PWP1: variants seen among roughly 807,000 people sequenced by gnomAD.
The protein encoded by PWP1 is periodic tryptophan protein 1 homolog.
Under a neutral mutation model 69.9 loss-of-function variants are expected in PWP1, and 47 were observed. The observed-to-expected ratio is 0.67, with a 90% confidence interval of 0.53 to 0.86. PWP1 has a LOEUF of 0.86. Among genes scored for constraint, PWP1 ranks in the 40% least tolerant of loss-of-function variants. PWP1 has a pLI of 0.00. For missense variants in PWP1, 551 were observed against 608.8 expected (o/e 0.91, Z 1.00); for synonymous variants, 222 against 208.2 (o/e 1.07, Z -0.57).
At chr12:107,688,558 G>A (rs1306615518) in intron 2 of PWP1, 52 bp downstream of exon 2, 1 of 1,610,400 alleles carries the variant, frequency 6.2e-7, no homozygotes, top group Non-Finnish European at 8.5e-7. Context: ...TGACCATGTG[G>A]TCTTGTTATT....
At position 107,688,796 on chromosome 12, in the gene PWP1, G is replaced by T; in HGVS notation, c.313G>T (p.Asp105Tyr). 6.2e-7 allele frequency: 1 copy of T among 1,613,364 alleles called. No individual in the cohort carries two copies. The highest frequency in any genetic ancestry group is 1.1e-5 in the South Asian group (1 of 90,924). The change falls in exon 3 of 15, where the codon GAC becomes TAC. Residue 105 changes from aspartate to tyrosine, a missense_variant. Transcript: ENST00000412830. Reference sequence around the variant, plus strand: ...CTTAGATAAATATGATGAGGAAGGTGACCCAGGTTAGTTTATCCACTTCTG... The same window carrying T: ...CTTAGATAAATATGATGAGGAAGGTTACCCAGGTTAGTTTATCCACTTCTG... ...YDLDKYDEEG[D>Y]PDAETLGESL...
rs1200332643 is a variant in PWP1 at position 107,686,066 on chromosome 12, T to C, written c.72+95T>C. 5 of 1,389,342 alleles carry C rather than the reference T, an allele frequency of 3.6e-6. No individual in the cohort carries two copies. In the African/African-American group the frequency reaches 7.1e-5, roughly 20 times the overall value. 86.1% of individuals were successfully genotyped at this position (1,389,342 alleles called of 1,614,324 possible). On this transcript the variant is annotated intron_variant, in intron 1 of 14. Coordinates refer to ENST00000412830, the MANE Select transcript of PWP1 (RefSeq NM_007062.3). ...GAACGTGGACCCGGAACTCGGGGCG[T>C]TGGCTGGTGCGACTGGCTGGGGTGA...
At chr12:107,710,035 A>C (rs1040140772) in intron 13 of PWP1, among the ~76,000 whole-genome samples, 1 of 152,230 alleles carries the variant, frequency 6.6e-6, no homozygotes, top group Non-Finnish European at 1.5e-5. Flanking sequence ...AAAGTTTAAA[A>C]ATGATTTAAA....
At chr12:107,692,950 C>A in intron 4 of PWP1, 50 bp from the exon 5 acceptor site, 1 of 1,611,856 alleles carries the variant, frequency 6.2e-7, no homozygotes, top group East Asian at 2.2e-5. Context: ...TTCAAAAAAC[C>A]TTACTGGCTC....
intron 11 of PWP1, among the ~76,000 whole-genome samples, chr12:107,708,338 TTGTACTGGCTGTTGCCCTTGGCCTGTA>T (rs1260401316): frequency 6.6e-6 from 1 of 152,218 alleles, no homozygotes; most frequent in Non-Finnish European, 1.5e-5. Flanking sequence ...TCCTTTTTTC[TTGTACTGGCTGTTGCCCTTGGCCTGTA>T]TACAGGCTCA....
Position 107,708,127 on chromosome 12 carries a change from C to T in PWP1, c.1078-799C>T, listed in dbSNP as rs146383833. 2.4e-3 allele frequency among the ~76,000 whole-genome samples: 369 copies of T among 152,218 alleles called. 2 individuals carry two copies. The highest frequency in any genetic ancestry group is 8.5e-3 in the African/African-American group (351 of 41,526). On this transcript the variant is annotated intron_variant, in intron 11 of 14. Transcript: ENST00000412830. ...TGTACTTGAATGTTGTGTTGTACTTCGGCTCTCACTCTTCAGGTACGCAAC... is the reference window on the plus strand; with the variant it reads ...TGTACTTGAATGTTGTGTTGTACTTTGGCTCTCACTCTTCAGGTACGCAAC...
intron 5 of PWP1, among the ~76,000 whole-genome samples, chr12:107,694,796 T>C (rs1053320522): frequency 2.0e-5 from 3 of 152,226 alleles, no homozygotes; most frequent in Non-Finnish European, 4.4e-5. Flanking sequence ...AAAGCTGTTA[T>C]ATTTCCATTT....
intron 5 of PWP1, 97 bp from the exon 6 acceptor site, chr12:107,696,377 G>T: frequency 6.7e-7 from 1 of 1,489,534 alleles, no homozygotes; most frequent in South Asian, 1.3e-5. Context: ...AAAGCACATG[G>T]CTCACGTACA....
chr12:107,698,731 T>C (rs1889643430), intron 7 of PWP1, among the ~76,000 whole-genome samples: 1 of 152,194 alleles, frequency 6.6e-6, no homozygotes, highest in African/African-American at 2.4e-5. Context: ...TAGCTGGGAC[T>C]ATAGGCGTAT....
At chr12:107,686,076 C>A in intron 1 of PWP1, 105 bp downstream of exon 1, 1 of 1,275,992 alleles carries the variant, frequency 7.8e-7, no homozygotes, top group Non-Finnish European at 1.1e-6. Context: ...TTGGCTGGTG[C>A]GACTGGCTGG....
intron 9 of PWP1, among the ~76,000 whole-genome samples, 182 bp downstream of exon 9, chr12:107,703,213 G>T (rs1191589588): frequency 6.6e-6 from 1 of 152,138 alleles, no homozygotes; most frequent in African/African-American, 2.4e-5. Flanking sequence ...GCCCATCTTA[G>T]AGATGAAAAA....
chr12:107,692,385 T>C (rs1185666822), intron 3 of PWP1, among the ~76,000 whole-genome samples: 1 of 152,242 alleles, frequency 6.6e-6, no homozygotes, highest in African/African-American at 2.4e-5. Flanking sequence ...TTGAAACCTG[T>C]CATTTCTCAA....
At chr12:107,700,904 C>CT (rs1378841592) in intron 8 of PWP1, among the ~76,000 whole-genome samples, 2 of 151,926 alleles carry the variant, frequency 1.3e-5, no homozygotes, top group African/African-American at 4.8e-5. Context: ...ATTTCCCCCC[C>CT]TTTTTTTAAG....
rs1889972613 is a variant in PWP1 at position 107,712,347 on chromosome 12, T to G, written c.*127T>G. ...CAATTCATTTCTGACTGACATTCCT[T>G]TCTGCAACTGCGGTGGCACCACAAA... On this transcript the variant is annotated 3_prime_UTR_variant, in exon 15 of 15. Transcript: ENST00000412830. 1 of 659,680 alleles carries G rather than the reference T, an allele frequency of 1.5e-6. No individual in the cohort carries two copies. 40.9% of individuals were successfully genotyped at this position (659,680 alleles called of 1,614,324 possible).
At chr12:107,706,020 G>A (rs1566082427) in intron 11 of PWP1, among the ~76,000 whole-genome samples, 1 of 152,214 alleles carries the variant, frequency 6.6e-6, no homozygotes, top group Non-Finnish European at 1.5e-5. Flanking sequence ...CACCAACAGT[G>A]TAAAACTGTT....
In PWP1 at chr12:107,697,458, C is replaced by T. The variant is rs1889611986; in HGVS notation, c.614-9C>T. On this transcript the variant is annotated splice_polypyrimidine_tract_variant and intron_variant, in intron 6 of 14. Coordinates refer to ENST00000412830, the MANE Select transcript of PWP1 (RefSeq NM_007062.3). ...TGTGTAATCATACATGCATTGTTTC[C>T]TCCCATAGGAAATTACATTGCTGTA... 6.4e-7 allele frequency: 1 copy of T among 1,567,736 alleles called. No individual in the cohort carries two copies. The highest frequency in any genetic ancestry group is 2.1e-5 in the Admixed American group (1 of 47,892).
In PWP1 at chr12:107,712,712, TAG is replaced by T. The variant is rs1239766028; in HGVS notation, c.*495_*496del. 1.3e-5 allele frequency: 2 copies of T among 152,716 alleles called. No homozygotes were observed. Among genetic ancestry groups the T allele is most frequent in the African/African-American group, 4.8e-5 (2 of 41,448 alleles). The allele number at this position is 152,716 out of a possible 1,614,324, so 9.5% of individuals were successfully genotyped here. ...GATTGAGTATTCTCAGTGCAACTCG[TAG>T]AGTTTGATAAGTAAAAGTTACATGC... On this transcript the variant is annotated 3_prime_UTR_variant, in exon 15 of 15. Transcript: ENST00000412830.
chr12:107,697,717 A>G, intron 7 of PWP1, 120 bp downstream of exon 7: 1 of 1,002,094 alleles, frequency 1.0e-6, no homozygotes, highest in Non-Finnish European at 1.5e-6. Flanking sequence ...TGGGGTAGGT[A>G]GTTATGAAAT....
chr12:107,710,337 C>T, intron 13 of PWP1, 68 bp from the exon 14 acceptor site: 1 of 1,579,726 alleles, frequency 6.3e-7, no homozygotes, highest in Non-Finnish European at 8.6e-7. Flanking sequence ...TTAGAGACAA[C>T]AGTGAGGATC....
Sources: gnomAD v4.1 joint callset for allele counts (sites outside exome capture counted in the v4.1 genomes callset) on GRCh38, gnomAD v4.1.1 for gene constraint, MANE v1.5 for transcripts, NCBI Gene and HGNC (gene_info 2026-07-23, HGNC 2026-07-21) for gene names.